ADISSP: variants seen among roughly 807,000 people sequenced by gnomAD.
ADISSP encodes adipose-secreted signaling protein.
chr20:3,760,188 T>TTGCGGGGTGCACCCCG, the ADISSP span: 6 of 1,154,404 alleles, frequency 5.2e-6, no homozygotes, highest in Middle Eastern at 2.3e-4. Flanking sequence ...AGCGGGAGCC[T>TTGCGGGGTGCACCCCG]GAAGGATAGG....
At chr20:3,766,653 T>C in the ADISSP span, among the ~76,000 whole-genome samples, 23 of 152,250 alleles carry the variant, frequency 1.5e-4, no homozygotes, top group East Asian at 4.3e-3. Context: ...CCAGGCTGGA[T>C]CCAGGGGGTC....
At chr20:3,767,917 G>T in the ADISSP span, 1 of 152,306 alleles carries the variant, frequency 6.6e-6, no homozygotes. Context: ...CCGAGGCAGC[G>T]CCCTGCTAGT....
At chr20:3,766,425 T>C in the ADISSP span, among the ~76,000 whole-genome samples, 1 of 148,354 alleles carries the variant, frequency 6.7e-6, no homozygotes, top group Non-Finnish European at 1.5e-5. Flanking sequence ...GGCTGTTCTC[T>C]CTCCTTCTAA....
the ADISSP span, chr20:3,759,998 G>T: frequency 6.2e-7 from 1 of 1,603,550 alleles, no homozygotes; most frequent in Non-Finnish European, 8.5e-7. The surrounding 1 kb of genome is among the most constrained non-coding windows in gnomAD (Gnocchi z 4.6). Flanking sequence ...CAGGTGGTGC[G>T]GGCCCTACCT....
chr20:3,761,293 C>T, the ADISSP span, among the ~76,000 whole-genome samples: 1 of 151,868 alleles, frequency 6.6e-6, no homozygotes, highest in Non-Finnish European at 1.5e-5. Flanking sequence ...CAGATACTCA[C>T]AGGCGCCCAA....
the ADISSP span, among the ~76,000 whole-genome samples, chr20:3,758,364 C>T: frequency 6.6e-6 from 1 of 152,180 alleles, no homozygotes; most frequent in Non-Finnish European, 1.5e-5. This position sits in a 1 kb window ranked among gnomAD's most constrained non-coding sequence, Gnocchi z 5.5. Flanking sequence ...TCTAAATGCT[C>T]TCATCTCATT....
the ADISSP span, chr20:3,759,980 C>T: frequency 2.5e-6 from 4 of 1,580,024 alleles, no homozygotes; most frequent in South Asian, 3.3e-5. This position sits in a 1 kb window ranked among gnomAD's most constrained non-coding sequence, Gnocchi z 4.6. Flanking sequence ...CATGCACACA[C>T]ACACACACAG....
chr20:3,758,704 A>G, the ADISSP span: 2 of 1,609,450 alleles, frequency 1.2e-6, no homozygotes, highest in African/African-American at 2.7e-5. The surrounding 1 kb of genome is among the most constrained non-coding windows in gnomAD (Gnocchi z 5.5). Flanking sequence ...GAGGGCTCTG[A>G]GGGCTTTCCC....
At chr20:3,754,614 A>T in the ADISSP span, 1 of 1,302,288 alleles carries the variant, frequency 7.7e-7, no homozygotes, top group Non-Finnish European at 1.1e-6. Context: ...CCATGGGGGG[A>T]CTGCATGCTA....
At chr20:3,767,875 G>C in the ADISSP span, 3 of 152,262 alleles carry the variant, frequency 2.0e-5, no homozygotes, top group African/African-American at 7.2e-5. Flanking sequence ...CGGCCAACTG[G>C]CGAGGGCCGC....
At chr20:3,758,442 A>C in the ADISSP span, 1 of 1,217,148 alleles carries the variant, frequency 8.2e-7, no homozygotes, top group Non-Finnish European at 1.2e-6. This position sits in a 1 kb window ranked among gnomAD's most constrained non-coding sequence, Gnocchi z 5.5. Flanking sequence ...AGACATGCCT[A>C]TAAGCCCGGC....
the ADISSP span, among the ~76,000 whole-genome samples, chr20:3,759,589 G>A: frequency 1.3e-5 from 2 of 152,074 alleles, no homozygotes; most frequent in Non-Finnish European, 2.9e-5. This position sits in a 1 kb window ranked among gnomAD's most constrained non-coding sequence, Gnocchi z 4.6. Context: ...CGGCCTCTTG[G>A]ATACTCGGAG....
chr20:3,755,426 C>T, the ADISSP span: 1 of 1,586,028 alleles, frequency 6.3e-7, no homozygotes, highest in South Asian at 1.1e-5. Flanking sequence ...CCCATGTTCT[C>T]ACTCCCACAC....
chr20:3,764,615 G>A, the ADISSP span, among the ~76,000 whole-genome samples: 1 of 152,210 alleles, frequency 6.6e-6, no homozygotes, highest in Admixed American at 6.5e-5. Context: ...GGGATCATTT[G>A]ATATCCCTCT....
the ADISSP span, chr20:3,754,336 CAG>C: frequency 1.3e-6 from 2 of 1,588,454 alleles, no homozygotes; most frequent in Non-Finnish European, 1.7e-6. Flanking sequence ...CTGAGGAGGA[CAG>C]AAACCCTCGC....
the ADISSP span, chr20:3,760,039 G>T: frequency 6.2e-7 from 1 of 1,610,536 alleles, no homozygotes. Flanking sequence ...AGGGCCCACC[G>T]GAAGAGCTTG....
chr20:3,756,909 G>A, the ADISSP span, among the ~76,000 whole-genome samples: 2 of 152,150 alleles, frequency 1.3e-5, no homozygotes, highest in Non-Finnish European at 2.9e-5. Flanking sequence ...ACACAGGTAG[G>A]AGACAGTTCA....
At chr20:3,758,719 C>A in the ADISSP span, 2 of 1,601,580 alleles carry the variant, frequency 1.2e-6, no homozygotes, top group South Asian at 2.2e-5. The surrounding 1 kb of genome is among the most constrained non-coding windows in gnomAD (Gnocchi z 5.5). Flanking sequence ...TTTCCCTGTC[C>A]CCAGGAAACT....
chr20:3,754,254 G>A, the ADISSP span: 2 of 1,467,092 alleles, frequency 1.4e-6, no homozygotes, highest in African/African-American at 2.8e-5. Flanking sequence ...GGGATCAGCT[G>A]GAGGTAGGGA....
Sources: allele counts gnomAD v4.1 joint callset (sites outside exome capture counted in the v4.1 genomes callset), GRCh38; gene constraint gnomAD v4.1.1; non-coding constraint Gnocchi (gnomAD v3.1); transcripts MANE v1.5; gene names NCBI Gene and HGNC (gene_info 2026-07-23, HGNC 2026-07-21).